The following IMMP2L variants were observed in gnomAD, a reference collection of about 807,000 sequenced individuals.
IMMP2L encodes the protein mitochondrial inner membrane protease subunit 2.
IMMP2L carries 18 observed loss-of-function variants against 19.3 expected under a neutral mutation model. That is an observed-to-expected ratio of 0.93 (90% CI 0.64 to 1.38). The LOEUF is 1.38. Among genes scored for constraint, IMMP2L ranks in the 40% most tolerant of loss-of-function variants. The pLI is 0.00. For missense variants in IMMP2L, 233 were observed against 218.2 expected (o/e 1.07, Z -0.43); for synonymous variants, 76 against 73.0 (o/e 1.04, Z -0.21).
chr7:111,497,511 T>C (rs1843702988), intron 2 of IMMP2L, among the ~76,000 whole-genome samples: 1 of 152,072 alleles, frequency 6.6e-6, no homozygotes, highest in Non-Finnish European at 1.5e-5. Flanking sequence ...TGGAAAAATA[T>C]ATATTTGGAT....
At chr7:111,044,710 A>G (rs1002956674) in intron 3 of IMMP2L, among the ~76,000 whole-genome samples, 3 of 152,226 alleles carry the variant, frequency 2.0e-5, no homozygotes, top group African/African-American at 7.2e-5. Context: ...CACTAACGCA[A>G]AAATGGCATG....
At chr7:111,415,211 T>C (rs1256464011) in intron 3 of IMMP2L, among the ~76,000 whole-genome samples, 1 of 151,678 alleles carries the variant, frequency 6.6e-6, no homozygotes, top group Non-Finnish European at 1.5e-5. Context: ...GGAGGGGACC[T>C]CTAGAGACCG....
At chr7:110,849,245 G>T (rs1051381208) in intron 5 of IMMP2L, among the ~76,000 whole-genome samples, 1 of 151,880 alleles carries the variant, frequency 6.6e-6, no homozygotes, top group African/African-American at 2.4e-5. Flanking sequence ...TAAAAATATA[G>T]TTTACTAATT....
At chr7:110,945,103 T>C (rs1817118362) in intron 4 of IMMP2L, among the ~76,000 whole-genome samples, 1 of 151,838 alleles carries the variant, frequency 6.6e-6, no homozygotes, top group Non-Finnish European at 1.5e-5. Flanking sequence ...AAACGTTACA[T>C]AGCTGCCAAG....
chr7:111,383,564 A>T lies in IMMP2L; in HGVS notation c.239+103674T>A, dbSNP rs141602646. ...CAACACTCCTCATTGAAAAAGTCAG[A>T]CATTGAGGGCTATCCAGCCTTTGTC... On this transcript the variant is annotated intron_variant, in intron 3 of 5. Transcript: ENST00000405709. 8.5e-5 allele frequency among the ~76,000 whole-genome samples: 13 copies of T among 152,222 alleles called. No homozygotes were observed. In the East Asian group the frequency reaches 2.3e-3, roughly 27 times the overall value.
At chr7:111,387,121 T>A (rs1414761676) in intron 3 of IMMP2L, among the ~76,000 whole-genome samples, 1 of 152,194 alleles carries the variant, frequency 6.6e-6, no homozygotes, top group Admixed American at 6.6e-5. Context: ...ACTCTAAGGA[T>A]AAAAGTACTG....
At chr7:111,490,292 T>C (rs1842990108) in intron 2 of IMMP2L, among the ~76,000 whole-genome samples, 1 of 150,650 alleles carries the variant, frequency 6.6e-6, no homozygotes, top group Admixed American at 6.6e-5. Context: ...TTCCTTTTTT[T>C]TTTTTTAGAG....
chr7:110,670,683 C>A, intron 5 of IMMP2L, among the ~76,000 whole-genome samples: 1 of 146,048 alleles, frequency 6.8e-6, no homozygotes, highest in Admixed American at 6.8e-5. Context: ...GAGCAAGACT[C>A]CGTCTCAAAA....
intron 3 of IMMP2L, among the ~76,000 whole-genome samples, chr7:111,444,308 G>C (rs984459708): frequency 1.3e-5 from 2 of 152,044 alleles, no homozygotes; most frequent in African/African-American, 4.8e-5. Flanking sequence ...GCACACACAT[G>C]CACATAACAA....
intron 5 of IMMP2L, among the ~76,000 whole-genome samples, chr7:110,807,785 T>G (rs1231627935): frequency 2.0e-5 from 3 of 152,060 alleles, no homozygotes; most frequent in Non-Finnish European, 2.9e-5. Context: ...CAATTCTGTA[T>G]GCAAATCTTG....
intron 3 of IMMP2L, among the ~76,000 whole-genome samples, chr7:111,031,623 A>C (rs2129568967): frequency 6.6e-6 from 1 of 152,330 alleles, no homozygotes; most frequent in East Asian, 1.9e-4. Context: ...AGAGGCAAGT[A>C]TATCCAACGG....
intron 5 of IMMP2L, among the ~76,000 whole-genome samples, chr7:110,813,160 G>C (rs1015109529): frequency 6.6e-6 from 1 of 151,854 alleles, no homozygotes; most frequent in Non-Finnish European, 1.5e-5. Context: ...AATGGAAAGA[G>C]GTACATGAAG....
intron 3 of IMMP2L, among the ~76,000 whole-genome samples, chr7:111,122,251 T>C (rs905069864): frequency 2.0e-5 from 3 of 152,088 alleles, no homozygotes; most frequent in African/African-American, 7.2e-5. Context: ...AGGACAGTCA[T>C]GAAAAAGATA....
At chr7:110,759,074 C>T (rs935364808) in intron 5 of IMMP2L, among the ~76,000 whole-genome samples, 2 of 152,168 alleles carry the variant, frequency 1.3e-5, no homozygotes, top group South Asian at 2.1e-4. Context: ...TATAAATGCA[C>T]GTTTAGTATT....
chr7:110,963,182 A>G, intron 4 of IMMP2L: 2 of 931,012 alleles, frequency 2.1e-6, no homozygotes, highest in Non-Finnish European at 3.1e-6. Context: ...TTAACATCAT[A>G]ATCTTAATCT....
chr7:111,047,913 C>T (rs900448686), intron 3 of IMMP2L, among the ~76,000 whole-genome samples: 1 of 152,092 alleles, frequency 6.6e-6, no homozygotes, highest in Admixed American at 6.5e-5. Flanking sequence ...TGCCATCCCC[C>T]CAAAAAGCGA....
chr7:110,961,607 A>G (rs975608533), intron 4 of IMMP2L, among the ~76,000 whole-genome samples: 1 of 151,836 alleles, frequency 6.6e-6, no homozygotes, highest in East Asian at 1.9e-4. Context: ...TGTTCATAGT[A>G]TTTATACCAA....
chr7:111,276,523 AT>A (rs1819075467), intron 3 of IMMP2L, among the ~76,000 whole-genome samples: 1 of 151,234 alleles, frequency 6.6e-6, no homozygotes, highest in Non-Finnish European at 1.5e-5. Context: ...GAGGATTGGT[AT>A]TAGTTCTTCT....
chr7:111,008,038 C>T (rs1259241058), intron 3 of IMMP2L, among the ~76,000 whole-genome samples: 1 of 152,094 alleles, frequency 6.6e-6, no homozygotes, highest in Non-Finnish European at 1.5e-5. Context: ...AATCCAACTA[C>T]TTCTCACCAT....
Sources: allele counts gnomAD v4.1 joint callset (sites outside exome capture counted in the v4.1 genomes callset), GRCh38; gene constraint gnomAD v4.1.1; transcripts MANE v1.5; gene names NCBI Gene and HGNC (gene_info 2026-07-23, HGNC 2026-07-21).